Variants in CAMKK2 observed in about 807,000 individuals in gnomAD.
The protein encoded by CAMKK2 is calcium/calmodulin dependent protein kinase kinase 2.
In CAMKK2, 30 loss-of-function variants were observed where a neutral mutation model predicts 67.2. The ratio of observed to expected loss-of-function variants is 0.45; its 90% CI spans 0.33 to 0.61. The LOEUF (loss-of-function observed/expected upper bound fraction) is 0.61. Ranked by LOEUF, CAMKK2 falls within the 20% of genes least tolerant of loss-of-function variation. The pLI is 0.02. For synonymous variants in CAMKK2, 322 were observed against 326.2 expected (o/e 0.99, Z 0.14); for missense variants, 643 against 802.0 (o/e 0.80, Z 2.39).
At chr12:121,258,445 A>C (rs1017738338) in intron 7 of CAMKK2, among the ~76,000 whole-genome samples, 1 of 150,550 alleles carries the variant, frequency 6.6e-6, no homozygotes, top group Non-Finnish European at 1.5e-5. Flanking sequence ...CAATCCTCCC[A>C]CCTCAGCCTC....
Position 121,280,400 on chromosome 12 carries a change from A to G in CAMKK2, c.-59-5815T>C, listed in dbSNP as rs183398357. Among the ~76,000 whole-genome samples the G allele has an allele frequency of 9.2e-5, 14 of 152,334 alleles. No individual in the cohort carries two copies. The East Asian group carries it at 2.1e-3, about 23-fold the overall frequency. The stretch of plus-strand genomic sequence containing the variant: ...GTATATCGTCTCAGGACCCTGTGAT[A>G]ATTGCATTAACTGCACAAATTGTAC... On this transcript the variant is annotated intron_variant, in intron 1 of 16. Transcript: ENST00000404169.
chr12:121,266,305 C>T (rs951415015), intron 5 of CAMKK2, among the ~76,000 whole-genome samples: 13 of 152,076 alleles, frequency 8.5e-5, no homozygotes, highest in Admixed American at 7.2e-4. Context: ...GTCTCTCGTA[C>T]GTTGTTACAG....
At chr12:121,283,144 T>C (rs1465781070) in intron 1 of CAMKK2, among the ~76,000 whole-genome samples, 1 of 151,942 alleles carries the variant, frequency 6.6e-6, no homozygotes, top group Admixed American at 6.6e-5. Context: ...ACCAGTGGGG[T>C]TCGGAGAAGC....
chr12:121,261,003 C>G (rs1893342368), intron 6 of CAMKK2, among the ~76,000 whole-genome samples: 1 of 151,522 alleles, frequency 6.6e-6, no homozygotes, highest in African/African-American at 2.4e-5. Flanking sequence ...CAACGGTGTT[C>G]AGGGTGAAAA....
At chr12:121,252,191 T>C (rs552006501) in intron 11 of CAMKK2, among the ~76,000 whole-genome samples, 1 of 152,390 alleles carries the variant, frequency 6.6e-6, no homozygotes, top group African/African-American at 2.4e-5. Context: ...GATATGATCA[T>C]GACATACATA....
At position 121,269,553 on chromosome 12, in the gene CAMKK2, T is replaced by C. The variant is rs746740827; in HGVS notation, c.548A>G (p.Tyr183Cys). The change falls in exon 4 of 17, where the codon TAC (tyrosine) becomes TGC (cysteine). Residue 183 changes from tyrosine (Y) to cysteine (C), a missense_variant. Physicochemically the swap from Tyr to Cys is radical, Grantham distance 194. Transcript: ENST00000404169. ...ATAGTAGGTATTGTCATTTTCATTG[T>C]AGGCCAACTTGACGACACCATAGGA... Reference protein sequence around the residue: ...KGSYGVVKLAYNENDNTYYAM... With the variant: ...KGSYGVVKLACNENDNTYYAM... 1.2e-6 allele frequency: 2 copies of C among 1,607,834 alleles called. No homozygotes were observed. The highest frequency in any genetic ancestry group is 1.7e-5 in the Admixed American group (1 of 59,228).
In CAMKK2 at chr12:121,240,472, A is replaced by ACCCG. The variant is rs1566023093; in HGVS notation, c.*223_*226dup. On this transcript the variant is annotated 3_prime_UTR_variant, in exon 17 of 17. Transcript: ENST00000404169. The surrounding 1 kb of genome is among the most constrained non-coding windows in gnomAD (Gnocchi z 4.4). ...TGGGTTTGGGTCTGCAACTCCTCAC[A>ACCCG]CCCGCCTGTCCAGCCAGCCAGCGGC... The ACCCG allele has an allele frequency of 1.3e-6, 2 of 1,529,114 alleles. No individual in the cohort carries two copies. The highest frequency in any genetic ancestry group is 1.2e-5 in the South Asian group (1 of 83,778). 94.7% of individuals were successfully genotyped at this position (1,529,114 alleles called of 1,614,324 possible).
intron 1 of CAMKK2, among the ~76,000 whole-genome samples, chr12:121,278,881 G>T (rs537423979): frequency 6.6e-6 from 1 of 152,194 alleles, no homozygotes; most frequent in African/African-American, 2.4e-5. Flanking sequence ...ATGTCCAAGC[G>T]AGCTGGCCTG....
intron 1 of CAMKK2, among the ~76,000 whole-genome samples, chr12:121,280,070 A>G (rs1273055149): frequency 6.6e-6 from 1 of 152,242 alleles, no homozygotes; most frequent in Admixed American, 6.5e-5. Flanking sequence ...AAGGCCACGG[A>G]CGATGTCCTG....
At chr12:121,278,801 G>A (rs565883278) in intron 1 of CAMKK2, among the ~76,000 whole-genome samples, 2 of 152,188 alleles carry the variant, frequency 1.3e-5, no homozygotes, top group Admixed American at 6.5e-5. Flanking sequence ...GCGTGAAAAC[G>A]GACTAATACA....
rs3999199 is a variant in CAMKK2, at chr12:121,270,368, T to TAAA, written c.519+527_519+529dup. 7.3e-3 allele frequency among the ~76,000 whole-genome samples: 920 copies of TAAA among 125,284 alleles called. 9 individuals carry two copies. Among genetic ancestry groups the TAAA allele is most frequent in the African/African-American group, 0.024 (851 of 35,030 alleles). The allele number at this position is 125,284 out of a possible 152,430, so 82.2% of individuals were successfully genotyped here. A position where few individuals can be genotyped will look rare whatever the true frequency, so the allele number is the denominator to read the frequency against. On this transcript the variant is annotated intron_variant, in intron 3 of 16. Transcript: ENST00000404169. ...CTTGGTGATAGAGCAACACCCTGTC[T>TAAA]AAAAAAAAAAAAAAAAATCAAGATT... is the stretch of plus-strand genomic sequence containing the variant.
intron 1 of CAMKK2, among the ~76,000 whole-genome samples, chr12:121,281,639 G>A (rs1323665384): frequency 6.6e-6 from 1 of 152,208 alleles, no homozygotes; most frequent in African/African-American, 2.4e-5. Context: ...CAATGAGGGG[G>A]ACCAACATTT....
chr12:121,264,958 G>C (rs921397283), intron 5 of CAMKK2, among the ~76,000 whole-genome samples: 1 of 140,168 alleles, frequency 7.1e-6, no homozygotes, highest in African/African-American at 2.8e-5. Flanking sequence ...GTGACAGAGC[G>C]AGACCCTATC....
At chr12:121,248,516 C>A in intron 14 of CAMKK2, 90 bp downstream of exon 14, 2 of 1,516,704 alleles carry the variant, frequency 1.3e-6, no homozygotes, top group South Asian at 2.4e-5. Flanking sequence ...ATCTGACTCC[C>A]GGGCACCCGC....
At chr12:121,257,340 G>A (rs942631809) in intron 7 of CAMKK2, among the ~76,000 whole-genome samples, 4 of 151,104 alleles carry the variant, frequency 2.6e-5, no homozygotes, top group Non-Finnish European at 5.9e-5. Context: ...TCTGCCTCCT[G>A]GGTTCAAGCG....
intron 7 of CAMKK2, among the ~76,000 whole-genome samples, chr12:121,259,793 C>G (rs1411859104): frequency 6.6e-6 from 1 of 152,066 alleles, no homozygotes; most frequent in Non-Finnish European, 1.5e-5. Flanking sequence ...TGTGTACCAC[C>G]TAGAACAGTG....
chr12:121,296,830 G>T (rs1459679476), upstream of CAMKK2: 1 of 147,504 alleles, frequency 6.8e-6, no homozygotes, highest in Non-Finnish European at 1.5e-5. This position sits in a 1 kb window ranked among gnomAD's most constrained non-coding sequence, Gnocchi z 7.1. Flanking sequence ...GATTGGCCAC[G>T]GCGGCGGGAA....
intron 1 of CAMKK2, among the ~76,000 whole-genome samples, chr12:121,290,559 G>A (rs184389027): frequency 8.3e-4 from 126 of 152,184 alleles, no homozygotes; most frequent in African/African-American, 2.6e-3. Context: ...GCGTGGTGGC[G>A]CAGGGCTGTA....
chr12:121,259,112 G>T (rs1892934980), intron 7 of CAMKK2, among the ~76,000 whole-genome samples: 1 of 152,080 alleles, frequency 6.6e-6, no homozygotes, highest in Admixed American at 6.6e-5. Flanking sequence ...AAAGCGCTGG[G>T]ATTACAGGGG....
Sources: allele counts gnomAD v4.1 joint callset (sites outside exome capture counted in the v4.1 genomes callset), GRCh38; gene constraint gnomAD v4.1.1; non-coding constraint Gnocchi (gnomAD v3.1); transcripts MANE v1.5; gene names NCBI Gene and HGNC (gene_info 2026-07-23, HGNC 2026-07-21).